The following PKP4 variants were observed in gnomAD, a reference collection of about 807,000 sequenced individuals.
PKP4 encodes the protein plakophilin-4.
A neutral mutation model predicts 145.1 loss-of-function variants in PKP4; 90 were observed. That is an observed-to-expected ratio of 0.62 (90% confidence interval 0.52 to 0.74). PKP4 has a LOEUF of 0.74. Among genes scored for constraint, PKP4 ranks in the 30% least tolerant of loss-of-function variants. PKP4 has a pLI of 0.00. For missense variants in PKP4, 1,340 were observed against 1,482.7 expected (o/e 0.90, Z 1.58); for synonymous variants, 563 against 577.2 (o/e 0.98, Z 0.35).
chr2:158,628,811 A>T (rs554638767), intron 7 of PKP4, among the ~76,000 whole-genome samples: 4 of 152,330 alleles, frequency 2.6e-5, no homozygotes, highest in African/African-American at 9.6e-5. Context: ...GTCTTATTTC[A>T]CATCCCTGTG....
At chr2:158,659,399 C>G (rs1319997157) in intron 12 of PKP4, 2 of 152,270 alleles carry the variant, frequency 1.3e-5, no homozygotes, top group Non-Finnish European at 2.9e-5. Flanking sequence ...TGTAGCTCCC[C>G]CAGTGGGTCA....
At chr2:158,515,128 G>A (rs1156594614) in intron 1 of PKP4, among the ~76,000 whole-genome samples, 2 of 152,100 alleles carry the variant, frequency 1.3e-5, no homozygotes, top group East Asian at 3.9e-4. Flanking sequence ...CATGTTTTAG[G>A]CTAATTGTTG....
At chr2:158,656,383 G>A (rs2055923359) in intron 11 of PKP4, among the ~76,000 whole-genome samples, 1 of 152,062 alleles carries the variant, frequency 6.6e-6, no homozygotes, top group Admixed American at 6.5e-5. Context: ...CCTAGCTTTT[G>A]TGTACCCCAA....
At chr2:158,529,770 A>G (rs1449288235) in intron 1 of PKP4, among the ~76,000 whole-genome samples, 1 of 152,138 alleles carries the variant, frequency 6.6e-6, no homozygotes, top group Non-Finnish European at 1.5e-5. Flanking sequence ...AGGACCTTGT[A>G]TTTATTCCCG....
At chr2:158,486,775 T>C (rs1694223825) in intron 1 of PKP4, among the ~76,000 whole-genome samples, 2 of 152,246 alleles carry the variant, frequency 1.3e-5, no homozygotes, top group African/African-American at 4.8e-5. Flanking sequence ...TATGGAATAA[T>C]GGTGACTGAA....
chr2:158,599,423 A>G (rs2050043613), intron 3 of PKP4, among the ~76,000 whole-genome samples: 1 of 152,218 alleles, frequency 6.6e-6, no homozygotes, highest in Non-Finnish European at 1.5e-5. Flanking sequence ...AAGAACAAAT[A>G]GTAAAATTAC....
At chr2:158,533,657 A>T in intron 2 of PKP4, 1 of 365,214 alleles carries the variant, frequency 2.7e-6, no homozygotes, top group Non-Finnish European at 5.4e-6. Flanking sequence ...GACTCTGGCA[A>T]CCTGAGGCCT....
rs529497169 is a variant in PKP4, at chr2:158,521,189, T to A, written c.-5-11991T>A. 3.9e-5 allele frequency among the ~76,000 whole-genome samples: 6 copies of A among 152,324 alleles called. 1 individual carries two copies. The South Asian group carries it at 1.2e-3, about 32-fold the overall frequency. On this transcript the variant is annotated intron_variant, in intron 1 of 21. Transcript: ENST00000389759. ...TCCAAGGAGTGGTTCCCATTTACAC[T>A]GTCATCAGCAGCATGGGATAGTTAC...
In PKP4 at chr2:158,673,989, T is replaced by C. The variant is rs1222209169; in HGVS notation, c.3116T>C (p.Ile1039Thr). The change falls in exon 19 of 22, where the codon ATC becomes ACC. Residue 1039 changes from isoleucine (I) to threonine (T), a missense_variant. Physicochemically the swap from Ile to Thr is moderately conservative, Grantham distance 89. Transcript: ENST00000389759. ...ACCACCAACCAACAGATGTCACCCA[T>C]CATTCAGTCAGGTCAGTGGGAAAAT... ...LSTTNQQMSP[I>T]IQSVGSTSSS... 7 of 1,580,430 alleles carry C rather than the reference T, an allele frequency of 4.4e-6. No individual in the cohort carries two copies. Among genetic ancestry groups the C allele is most frequent in the Non-Finnish European group, 6.1e-6 (7 of 1,149,208 alleles).
intron 10 of PKP4, 151 bp downstream of exon 10, chr2:158,640,910 C>T: frequency 1.2e-6 from 1 of 809,408 alleles, no homozygotes. Flanking sequence ...CTTAACTATG[C>T]ATTTCAGTAT....
chr2:158,515,235 G>GA (rs1392559542), intron 1 of PKP4, among the ~76,000 whole-genome samples: 10 of 152,152 alleles, frequency 6.6e-5, no homozygotes, highest in Admixed American at 2.6e-4. Context: ...AAATAAGCAT[G>GA]AAAAAACAGC....
intron 1 of PKP4, among the ~76,000 whole-genome samples, chr2:158,522,742 G>A (rs1310704388): frequency 6.6e-6 from 1 of 152,228 alleles, no homozygotes; most frequent in African/African-American, 2.4e-5. Context: ...ACTAGGGAGT[G>A]CCAGACAGTG....
At position 158,674,926 on chromosome 2, in the gene PKP4, A is replaced by G. The variant is rs528577029; in HGVS notation, c.3127+926A>G. On this transcript the variant is annotated intron_variant, in intron 19 of 21. Transcript: ENST00000389759. The stretch of plus-strand genomic sequence containing the variant: ...ATACATGGCCAGTGGTTCTTGCCAC[A>G]TAATTGGATGTCCCCACTTGAACTA... 1.6e-3 allele frequency among the ~76,000 whole-genome samples: 238 copies of G among 152,354 alleles called. 1 individual carries two copies. Among genetic ancestry groups the G allele is most frequent in the Middle Eastern group, 3.4e-3 (1 of 294 alleles).
rs1213249713 is a variant in PKP4 at position 158,551,994 on chromosome 2, T to C, written c.132+18678T>C. Among the ~76,000 whole-genome samples the C allele has an allele frequency of 2.0e-5, 3 of 152,200 alleles. No individual in the cohort carries two copies. The East Asian group carries it at 5.8e-4, about 29-fold the overall frequency. Reference sequence around the variant, plus strand: ...TCCCAACGCTTGGAGCCTATAAACGTTATCTTATTTCAAAACTTTATGGGT... The same window carrying C: ...TCCCAACGCTTGGAGCCTATAAACGCTATCTTATTTCAAAACTTTATGGGT... On this transcript the variant is annotated intron_variant, in intron 2 of 21. Transcript: ENST00000389759.
chr2:158,531,703 T>TC (rs1196154031), intron 1 of PKP4, among the ~76,000 whole-genome samples: 1 of 152,082 alleles, frequency 6.6e-6, no homozygotes, highest in African/African-American at 2.4e-5. Context: ...AGGTAGAAAC[T>TC]CCCCCCAGGG....
At chr2:158,468,735 A>C (rs1468368254) in intron 1 of PKP4, among the ~76,000 whole-genome samples, 1 of 151,672 alleles carries the variant, frequency 6.6e-6, no homozygotes, top group African/African-American at 2.4e-5. Context: ...CATTCCTAGA[A>C]GAAAAGAAAT....
rs186528449 is a variant in PKP4 at position 158,607,306 on chromosome 2, G to C, written c.280+4202G>C. On this transcript the variant is annotated intron_variant, in intron 4 of 21. Transcript: ENST00000389759. ...GAGACTTAGTGTTTGATGGATAAGA[G>C]TTCTTTGTAACCCAAGGATAATAGG... Among the ~76,000 whole-genome samples the C allele has an allele frequency of 3.5e-3, 533 of 152,268 alleles. 2 individuals carry two copies. The highest frequency in any genetic ancestry group is 0.012 in the African/African-American group (516 of 41,562).
intron 16 of PKP4, among the ~76,000 whole-genome samples, chr2:158,668,554 G>A (rs2057311539): frequency 6.6e-6 from 1 of 152,246 alleles, no homozygotes; most frequent in Admixed American, 6.5e-5. Context: ...CTAACCCCCA[G>A]GAGTGCAATT....
At position 158,563,498 on chromosome 2, in the gene PKP4, T is replaced by C. The variant is rs558938722; in HGVS notation, c.133-13773T>C. Among the ~76,000 whole-genome samples, 3 of 152,300 alleles carry C rather than the reference T, an allele frequency of 2.0e-5. No homozygotes were observed. In the East Asian group the frequency reaches 5.8e-4, roughly 29 times the overall value. ...TCCTGCATAATCTTTCTTAAACATA[T>C]TCTGTATCAGCACATTTGGATTTAC... On this transcript the variant is annotated intron_variant, in intron 2 of 21. Coordinates refer to ENST00000389759, the MANE Select transcript of PKP4 (RefSeq NM_003628.6).
Sources: gnomAD v4.1 joint callset for allele counts (sites outside exome capture counted in the v4.1 genomes callset) on GRCh38, gnomAD v4.1.1 for gene constraint, MANE v1.5 for transcripts, NCBI Gene and HGNC (gene_info 2026-07-23, HGNC 2026-07-21) for gene names.